SVOPL: variants seen among roughly 807,000 people sequenced by gnomAD.
SVOPL encodes SVOP like.
Under a neutral mutation model 61.0 loss-of-function variants are expected in SVOPL, and 60 were observed. That is an observed-to-expected ratio of 0.98 (90% CI 0.80 to 1.22). SVOPL has a LOEUF of 1.22. Among genes scored for constraint, SVOPL ranks in the 50% most tolerant of loss-of-function variants. The probability of loss-of-function intolerance (pLI) is 0.00; values close to 1 mark genes in which losing one functional copy is unlikely to be tolerated. For synonymous variants in SVOPL, 279 were observed against 250.0 expected, an observed-to-expected ratio of 1.12 and a Z score of -1.09; for missense variants, 662 against 643.9, an observed-to-expected ratio of 1.03 and a Z score of -0.30.
intron 4 of SVOPL, among the ~76,000 whole-genome samples, chr7:138,667,055 C>T (rs558756164): frequency 1.6e-4 from 25 of 152,116 alleles, no homozygotes; most frequent in Admixed American, 8.5e-4. Context: ...GCTTTAAAAA[C>T]GCAAAAAAGG....
At chr7:138,681,983 CT>C (rs1802710232) in intron 1 of SVOPL, among the ~76,000 whole-genome samples, 7 of 152,098 alleles carry the variant, frequency 4.6e-5, no homozygotes, top group Admixed American at 3.9e-4. Context: ...CATTGATCAC[CT>C]TTGGAGAATG....
intron 14 of SVOPL, among the ~76,000 whole-genome samples, chr7:138,613,377 A>C (rs1014624752): frequency 6.6e-6 from 1 of 152,092 alleles, no homozygotes; most frequent in African/African-American, 2.4e-5. Flanking sequence ...TAAAACCCTT[A>C]AAGTTTTCCC....
chr7:138,694,774 G>A (rs948573276), intron 1 of SVOPL, among the ~76,000 whole-genome samples: 14 of 151,728 alleles, frequency 9.2e-5, no homozygotes, highest in South Asian at 2.1e-4. Flanking sequence ...ACAGAGTTTC[G>A]CTCTTGTTGC....
intron 5 of SVOPL, chr7:138,660,369 T>C (rs1414624554): frequency 3.0e-6 from 3 of 992,968 alleles, no homozygotes; most frequent in East Asian, 1.1e-4. Context: ...GCTTTTTCTT[T>C]AATTATAAGG....
chr7:138,597,770 G>T (rs1235557492), intron 14 of SVOPL, among the ~76,000 whole-genome samples: 1 of 152,030 alleles, frequency 6.6e-6, no homozygotes, highest in Non-Finnish European at 1.5e-5. Flanking sequence ...TTAGGCATGT[G>T]TCTAGATTCT....
chr7:138,625,326 C>T (rs1762637242), intron 13 of SVOPL: 1 of 152,138 alleles, frequency 6.6e-6, no homozygotes, highest in African/African-American at 2.4e-5. Context: ...TGCCATGAAC[C>T]TGAAAGGCAG....
At chr7:138,650,869 A>C (rs937719128) in intron 7 of SVOPL, among the ~76,000 whole-genome samples, 3 of 128,364 alleles carry the variant, frequency 2.3e-5, no homozygotes, top group African/African-American at 9.2e-5. Context: ...ATTTGAAAGT[A>C]TTTTCCTACT....
intron 9 of SVOPL, 108 bp downstream of exon 9, chr7:138,644,609 A>G (rs1673174): frequency 0.86 from 1,233,822 of 1,430,926 alleles, 532,442 homozygotes; most frequent in Middle Eastern, 0.93. Context: ...CCTGCCTCTC[A>G]GACAGGACTA....
At chr7:138,618,925 C>A (rs113520440) in intron 14 of SVOPL, among the ~76,000 whole-genome samples, 3 of 152,084 alleles carry the variant, frequency 2.0e-5, no homozygotes, top group East Asian at 1.9e-4. Flanking sequence ...CAGGGCATTA[C>A]GGCCCCAGGA....
chr7:138,656,384 T>A, intron 7 of SVOPL, 64 bp downstream of exon 7: 1 of 1,494,302 alleles, frequency 6.7e-7, no homozygotes, highest in South Asian at 1.2e-5. Flanking sequence ...TTCCAAGGTA[T>A]GCCTATATGT....
chr7:138,647,952 A>C (rs1801205950), intron 8 of SVOPL, among the ~76,000 whole-genome samples: 1 of 152,022 alleles, frequency 6.6e-6, no homozygotes. Flanking sequence ...TTTAGAATGA[A>C]TGGCCATCAA....
rs773610545 is a variant in SVOPL at position 138,644,771 on chromosome 7, A to T, written c.735T>A (p.Val245=). ...GCATGACCGAGCGGTTCATCTTGGCAACGCGCTCCAGAGTGGCCAGGGCAG... is the reference window on the plus strand; with the variant it reads ...GCATGACCGAGCGGTTCATCTTGGCTACGCGCTCCAGAGTGGCCAGGGCAG... ...TRAALATLER[V]AKMNRSVMPE... Residue 245 remains valine (V), a synonymous_variant, in exon 9 of 16, where the codon GTT becomes GTA. Coordinates refer to ENST00000674285, the MANE Select transcript of SVOPL (RefSeq NM_001139456.2). 1 of 1,614,180 alleles carries T rather than the reference A, an allele frequency of 6.2e-7. No individual in the cohort carries two copies. Among genetic ancestry groups the T allele is most frequent in the Non-Finnish European group, 8.5e-7 (1 of 1,180,022 alleles).
chr7:138,637,210 T>A (rs530890457), intron 9 of SVOPL, among the ~76,000 whole-genome samples: 249 of 152,146 alleles, frequency 1.6e-3, no homozygotes, highest in African/African-American at 6.0e-3. Context: ...GGTGTATCAC[T>A]TGAGGCCAGG....
intron 4 of SVOPL, among the ~76,000 whole-genome samples, chr7:138,664,561 G>A (rs1451825250): frequency 1.3e-4 from 19 of 144,968 alleles, no homozygotes; most frequent in African/African-American, 4.9e-4. Context: ...TCAGGCGCGC[G>A]CCTAACCCTC....
At chr7:138,618,223 GATC>G (rs1393244195) in intron 14 of SVOPL, among the ~76,000 whole-genome samples, 2 of 152,162 alleles carry the variant, frequency 1.3e-5, no homozygotes, top group African/African-American at 4.8e-5. Context: ...GACCGTTATT[GATC>G]ATCATGATAA....
intron 1 of SVOPL, among the ~76,000 whole-genome samples, chr7:138,679,372 C>T (rs1352054773): frequency 2.6e-5 from 4 of 151,952 alleles, no homozygotes; most frequent in African/African-American, 7.3e-5. Flanking sequence ...TGAGTTCAAG[C>T]GATTCTCGTG....
At position 138,678,419 on chromosome 7, in the gene SVOPL, C is replaced by T. The variant is rs1226825980; in HGVS notation, c.174+15G>A. On this transcript the variant is annotated intron_variant, in intron 3 of 15. Transcript: ENST00000674285. The stretch of plus-strand genomic sequence containing the variant: ...AGTTTGACACTTTTCGTCAACATCT[C>T]GAAGGAGCACTCACCCCAGTACTGC... The T allele has an allele frequency of 2.6e-6, 4 of 1,547,022 alleles. No individual in the cohort carries two copies. The highest frequency in any genetic ancestry group is 3.5e-6 in the Non-Finnish European group (4 of 1,145,842).
intron 3 of SVOPL, among the ~76,000 whole-genome samples, chr7:138,675,342 C>A (rs1217354921): frequency 6.6e-6 from 1 of 151,942 alleles, no homozygotes; most frequent in Non-Finnish European, 1.5e-5. Flanking sequence ...GATCACACAA[C>A]CCTTTATTTT....
At position 138,595,921 on chromosome 7, in the gene SVOPL, C is replaced by CT. The variant is rs375738723; in HGVS notation, c.1467+495dup. 4.9e-4 allele frequency among the ~76,000 whole-genome samples: 74 copies of CT among 152,240 alleles called. 1 individual carries two copies. Among genetic ancestry groups the CT allele is most frequent in the African/African-American group, 1.8e-3 (73 of 41,546 alleles). The stretch of plus-strand genomic sequence containing the variant: ...AGGCAAACTAGGCCGGGCACGGTGG[C>CT]TCACATCTGTAATTCCAGCACTTTA... On this transcript the variant is annotated intron_variant, in intron 15 of 15. Coordinates refer to ENST00000674285, the MANE Select transcript of SVOPL (RefSeq NM_001139456.2).
Sources: allele counts gnomAD v4.1 joint callset (sites outside exome capture counted in the v4.1 genomes callset), GRCh38; gene constraint gnomAD v4.1.1; transcripts MANE v1.5; gene names NCBI Gene and HGNC (gene_info 2026-07-23, HGNC 2026-07-21).